The following DAB1 variants were observed in gnomAD, a reference collection of about 807,000 sequenced individuals.
DAB1 encodes the protein DAB adaptor protein 1, also known as disabled homolog 1.
Under a neutral mutation model 64.6 loss-of-function variants are expected in DAB1, and 15 were observed. The observed-to-expected ratio is 0.23, with a 90% CI of 0.16 to 0.36. The LOEUF is 0.36. Ranked by LOEUF, DAB1 falls within the 10% of genes least tolerant of loss-of-function variation. The pLI, the probability that DAB1 is intolerant of heterozygous loss-of-function variation, is 1.00. For synonymous variants in DAB1, 235 were observed against 251.9 expected, an observed-to-expected ratio of 0.93 and a Z score of 0.64; for missense variants, 596 against 706.7, an observed-to-expected ratio of 0.84 and a Z score of 1.78.
At position 57,934,062 on chromosome 1, in the gene DAB1, ATTGT is replaced by A. The variant is rs1644989919; in HGVS notation, n.388-49904_388-49901del. 1.1e-4 allele frequency among the ~76,000 whole-genome samples: 6 copies of A among 55,052 alleles called. No individual in the cohort carries two copies. The South Asian group carries it at 2.8e-3, about 26-fold the overall frequency. The allele number at this position is 55,052 out of a possible 152,430, so 36.1% of individuals were successfully genotyped here. A position where few individuals can be genotyped will look rare whatever the true frequency, so the allele number is the denominator to read the frequency against. ...AGGCGTCCGCCACCAAGCCCAGCTA[ATTGT>A]GTGTGTGTGTGTGTGTGTGTGTGTG... is the stretch of plus-strand genomic sequence containing the variant. On this transcript the variant is annotated intron_variant and non_coding_transcript_variant, in intron 5 of 20. Coordinates refer to the DAB1 transcript ENST00000485760.
chr1:57,935,235 T>C (rs907336325), intron 5 of DAB1, among the ~76,000 whole-genome samples: 1 of 152,214 alleles, frequency 6.6e-6, no homozygotes, highest in Non-Finnish European at 1.5e-5. Context: ...GACTCCTGGA[T>C]CTATCACTTT....
At chr1:58,463,382 GAGA>G (rs2100316507) in intron 3 of DAB1, among the ~76,000 whole-genome samples, 1 of 152,310 alleles carries the variant, frequency 6.6e-6, no homozygotes, top group Non-Finnish European at 1.5e-5. Flanking sequence ...TGGCTCCAAG[GAGA>G]AGGTGTGAAC....
At chr1:57,233,021 C>T (rs939933129) in intron 2 of DAB1, among the ~76,000 whole-genome samples, 2 of 152,182 alleles carry the variant, frequency 1.3e-5, no homozygotes, top group East Asian at 3.9e-4. Context: ...ATTAGTAGAA[C>T]TGTGTAGGCT....
chr1:58,093,765 A>G (rs567349589), intron 5 of DAB1, among the ~76,000 whole-genome samples: 24 of 152,156 alleles, frequency 1.6e-4, no homozygotes, highest in African/African-American at 4.8e-4. Context: ...GGACACCAAT[A>G]TGGGGCATGG....
intron 7 of DAB1, among the ~76,000 whole-genome samples, chr1:57,518,333 C>T (rs2101372228): frequency 6.6e-6 from 1 of 152,288 alleles, no homozygotes; most frequent in African/African-American, 2.4e-5. Flanking sequence ...TTGCACGCCA[C>T]TCCCTTCTGA....
At chr1:57,874,346 G>A (rs1235674663) in intron 1 of DAB1, 1 of 152,186 alleles carries the variant, frequency 6.6e-6, no homozygotes, top group African/African-American at 2.4e-5. Flanking sequence ...CTGGCAGGGT[G>A]AGGCAGGGCT....
intron 4 of DAB1, among the ~76,000 whole-genome samples, chr1:57,084,657 C>G (rs1344699546): frequency 6.6e-6 from 1 of 152,174 alleles, no homozygotes; most frequent in Non-Finnish European, 1.5e-5. Flanking sequence ...ATTTTTCAAT[C>G]TGTAAAATGA....
intron 5 of DAB1, among the ~76,000 whole-genome samples, chr1:58,145,031 G>A (rs1347852136): frequency 1.3e-5 from 2 of 152,252 alleles, no homozygotes; most frequent in Admixed American, 1.3e-4. Flanking sequence ...GTCAGGGGAT[G>A]GGGCTGCAGA....
intron 2 of DAB1, among the ~76,000 whole-genome samples, chr1:57,188,803 T>C (rs543065601): frequency 1.3e-5 from 2 of 152,348 alleles, no homozygotes; most frequent in Non-Finnish European, 2.9e-5. Context: ...ATTAACTCAC[T>C]ATACTACTTC....
intron 7 of DAB1, among the ~76,000 whole-genome samples, chr1:57,513,295 T>C (rs1406099795): frequency 6.6e-6 from 1 of 152,110 alleles, no homozygotes; most frequent in Non-Finnish European, 1.5e-5. Flanking sequence ...TTCCCCTAGA[T>C]TCTGCACATC....
chr1:57,015,481 A>G (rs1442286209), intron 11 of DAB1, 50 bp from the exon 12 acceptor site: 3 of 1,513,174 alleles, frequency 2.0e-6, no homozygotes, highest in Non-Finnish European at 1.8e-6. Flanking sequence ...GTCCTGGGAA[A>G]GAAGGATGCA....
intron 4 of DAB1, among the ~76,000 whole-genome samples, chr1:57,132,432 C>T (rs1264232495): frequency 6.6e-6 from 1 of 152,198 alleles, no homozygotes; most frequent in South Asian, 2.1e-4. Context: ...TCAGGAAACA[C>T]AGGGCTGCAC....
chr1:58,148,697 C>T (rs973326578), intron 5 of DAB1, among the ~76,000 whole-genome samples: 21 of 152,048 alleles, frequency 1.4e-4, no homozygotes, highest in East Asian at 3.9e-4. Context: ...AAAGAGCTTG[C>T]GCAGGGGAAC....
chr1:57,583,576 C>T (rs987379458), intron 7 of DAB1, among the ~76,000 whole-genome samples: 5 of 152,268 alleles, frequency 3.3e-5, no homozygotes, highest in South Asian at 4.1e-4. Flanking sequence ...TGAGCCACCA[C>T]GCCCGGCCCA....
At chr1:58,414,915 A>T (rs1475857950) in intron 3 of DAB1, among the ~76,000 whole-genome samples, 1 of 152,236 alleles carries the variant, frequency 6.6e-6, no homozygotes, top group African/African-American at 2.4e-5. Flanking sequence ...AAAAATTTTA[A>T]TAATAGAAAA....
At chr1:57,202,040 G>C (rs887172267) in intron 2 of DAB1, among the ~76,000 whole-genome samples, 2 of 152,170 alleles carry the variant, frequency 1.3e-5, no homozygotes, top group African/African-American at 4.8e-5. Flanking sequence ...TTCAATCTCT[G>C]ATGTGCAGCA....
intron 5 of DAB1, among the ~76,000 whole-genome samples, chr1:58,016,628 C>T (rs372472184): frequency 2.3e-4 from 35 of 152,200 alleles, no homozygotes; most frequent in Admixed American, 7.8e-4. Context: ...TTAGCAAATG[C>T]CACCATCACC....
At chr1:58,376,111 G>A (rs1644322616) in intron 3 of DAB1, among the ~76,000 whole-genome samples, 1 of 151,756 alleles carries the variant, frequency 6.6e-6, no homozygotes, top group South Asian at 2.1e-4. Context: ...CAATTTTGTT[G>A]ATCCTTTCAA....
intron 4 of DAB1, among the ~76,000 whole-genome samples, chr1:58,281,180 A>C (rs1661554273): frequency 6.6e-6 from 1 of 152,212 alleles, no homozygotes; most frequent in Non-Finnish European, 1.5e-5. Context: ...AGAGAGAGCA[A>C]AGGATAGACA....
Sources: gnomAD v4.1 joint callset for allele counts (sites outside exome capture counted in the v4.1 genomes callset) on GRCh38, gnomAD v4.1.1 for gene constraint, MANE v1.5 for transcripts, NCBI Gene and HGNC (gene_info 2026-07-23, HGNC 2026-07-21) for gene names.